GPC4: variants seen among roughly 807,000 people sequenced by gnomAD.
GPC4 encodes glypican-4.
Under a neutral mutation model 35.0 loss-of-function variants are expected in GPC4, and 10 were observed. The observed-to-expected ratio is 0.29, with a 90% CI of 0.18 to 0.48. GPC4 has a LOEUF of 0.48. Among genes scored for constraint, GPC4 ranks in the 20% least tolerant of loss-of-function variants. The pLI, the probability that GPC4 is intolerant of heterozygous loss-of-function variation, is 0.99. For missense variants in GPC4, 322 were observed against 451.3 expected, an observed-to-expected ratio of 0.71 and a Z score of 2.60; for synonymous variants, 167 against 170.2, an observed-to-expected ratio of 0.98 and a Z score of 0.15.
At chrX:133,332,806 A>T (rs754783423) in intron 2 of GPC4, among the ~76,000 whole-genome samples, 1 of 112,538 alleles carries the variant, frequency 8.9e-6, no homozygotes, top group Non-Finnish European at 1.9e-5. Context: ...ACTAGAAATA[A>T]TGCTGTGATG....
At chrX:133,384,176 T>A (rs909685483) in intron 1 of GPC4, among the ~76,000 whole-genome samples, 3 of 111,998 alleles carry the variant, frequency 2.7e-5, no homozygotes, top group African/African-American at 9.7e-5. Context: ...CAATTTTAAC[T>A]CCTTTGTAAA....
At chrX:133,381,934 C>T (rs777615204) in intron 1 of GPC4, among the ~76,000 whole-genome samples, 22 of 111,763 alleles carry the variant, frequency 2.0e-4, no homozygotes, top group African/African-American at 4.2e-4. Flanking sequence ...ACTTTTTACA[C>T]GCCCTTTCAC....
chrX:133,305,732 C>A, intron 6 of GPC4, 40 bp downstream of exon 6: 1 of 1,202,820 alleles, frequency 8.3e-7, no homozygotes. Context: ...GTTTTCAGTT[C>A]TTTGTCATTA....
intron 2 of GPC4, among the ~76,000 whole-genome samples, chrX:133,335,458 TACACACAC>T (rs927774738): frequency 9.1e-6 from 1 of 109,540 alleles, no homozygotes; most frequent in African/African-American, 3.3e-5. Context: ...CACACACACA[TACACACAC>T]ACACACGCAC....
chrX:133,408,713 C>T (rs1337811843), intron 1 of GPC4, among the ~76,000 whole-genome samples: 1 of 110,598 alleles, frequency 9.0e-6, no homozygotes, highest in Non-Finnish European at 1.9e-5. Flanking sequence ...GCCTGGGCAA[C>T]AAGAGCGAAA....
intron 1 of GPC4, among the ~76,000 whole-genome samples, chrX:133,363,133 T>C (rs2068576207): frequency 8.9e-6 from 1 of 112,221 alleles, no homozygotes; most frequent in Non-Finnish European, 1.9e-5. Context: ...GGAATGTTTA[T>C]TTCTGTGTTT....
rs2068273581 is a variant in GPC4, at chrX:133,302,999, G to A, written c.1539C>T (p.Tyr513=). The A allele has an allele frequency of 1.7e-6, 2 of 1,209,509 alleles. No homozygotes were observed. Among genetic ancestry groups the A allele is most frequent in the East Asian group, 3.0e-5 (1 of 33,753 alleles). ...EYQQCPSEFD[Y]NATDHAGKSA... The stretch of plus-strand genomic sequence containing the variant: ...TCTTCCCAGCATGGTCAGTGGCATT[G>A]TAGTCAAACTCTGAAGGGCACTGCT... Residue 513 remains tyrosine (Y), a synonymous_variant, in exon 9 of 9, where the codon TAC becomes TAT. Coordinates refer to ENST00000370828, the MANE Select transcript of GPC4 (RefSeq NM_001448.3).
intron 1 of GPC4, among the ~76,000 whole-genome samples, chrX:133,351,983 C>T (rs771298323): frequency 6.2e-5 from 7 of 112,149 alleles, no homozygotes; most frequent in Non-Finnish European, 1.1e-4. Context: ...GCTTGGTCTC[C>T]GCCCTCTTGA....
Position 133,305,752 on chromosome X carries a change from C to G in GPC4, c.1155+20G>C, listed in dbSNP as rs946005861. The G allele has an allele frequency of 1.7e-6, 2 of 1,206,688 alleles. No homozygotes were observed. The highest frequency in any genetic ancestry group is 2.2e-6 in the Non-Finnish European group (2 of 894,385). On this transcript the variant is annotated intron_variant, in intron 6 of 8. Coordinates refer to ENST00000370828, the MANE Select transcript of GPC4 (RefSeq NM_001448.3). ...CAGTTCTTTGTCATTAAACACGGCC[C>G]TTCCTGCCAAAACGCTCACCAGTCG...
chrX:133,319,465 A>AG (rs1193540414), intron 3 of GPC4, among the ~76,000 whole-genome samples: 5 of 106,126 alleles, frequency 4.7e-5, no homozygotes, highest in Non-Finnish European at 9.7e-5. Context: ...AAAAAAAAAA[A>AG]AAAAAAGAAA....
At position 133,413,637 on chromosome X, in the gene GPC4, C is replaced by G. The variant is rs748082219; in HGVS notation, c.160+1169G>C. Among the ~76,000 whole-genome samples the G allele has an allele frequency of 2.4e-4, 27 of 110,767 alleles. No individual in the cohort carries two copies. In the South Asian group the frequency reaches 5.9e-3, roughly 24 times the overall value. On this transcript the variant is annotated intron_variant, in intron 1 of 8. Transcript: ENST00000370828. Reference sequence around the variant, plus strand: ...GTTCGGAGTGGAGGCTCAGCCCCCCCCCCGGGCTCGAATCTCTCACTCCTC... The same window carrying G: ...GTTCGGAGTGGAGGCTCAGCCCCCCGCCCGGGCTCGAATCTCTCACTCCTC...
chrX:133,407,736 G>A (rs1209963625), intron 1 of GPC4, among the ~76,000 whole-genome samples: 2 of 112,262 alleles, frequency 1.8e-5, no homozygotes, highest in African/African-American at 6.5e-5. Flanking sequence ...GAAACCTAGT[G>A]GACTTCCCTC....
chrX:133,312,039 G>C (rs2068316729), intron 3 of GPC4, among the ~76,000 whole-genome samples: 1 of 111,562 alleles, frequency 9.0e-6, no homozygotes, highest in Admixed American at 9.5e-5. Flanking sequence ...CTTAAACTTA[G>C]GGGGTGTGTG....
At chrX:133,385,621 A>G (rs894706188) in intron 1 of GPC4, among the ~76,000 whole-genome samples, 5 of 111,924 alleles carry the variant, frequency 4.5e-5, no homozygotes, top group Non-Finnish European at 9.4e-5. Context: ...AATAATGAAG[A>G]TAAAAATACT....
intron 1 of GPC4, among the ~76,000 whole-genome samples, chrX:133,398,771 GAA>G (rs902350182): frequency 1.3e-5 from 1 of 79,240 alleles, no homozygotes. Flanking sequence ...CTGTCTCAGA[GAA>G]AAAAAAAAAA....
Position 133,324,170 on chromosome X carries a change from C to G in GPC4, c.686G>C (p.Gly229Ala). 2 of 1,206,724 alleles carry G rather than the reference C, an allele frequency of 1.7e-6. No individual in the cohort carries two copies. Among genetic ancestry groups the G allele is most frequent in the Non-Finnish European group, 2.2e-6 (2 of 893,348 alleles). ...RTFAQGLAVAGDVVSKVSVVN... is the reference protein window; with the variant it reads ...RTFAQGLAVAADVVSKVSVVN... ...CACGGAGACCTTGCTCACGACATCT[C>G]CCGCAACCGCTAAGCCTTGAGCGAA... The change falls in exon 3 of 9, where the codon GGA becomes GCA. Residue 229 changes from glycine (G) to alanine (A), a missense_variant. Gly to Ala is a moderately conservative substitution (Grantham distance 60). Coordinates refer to ENST00000370828, the MANE Select transcript of GPC4 (RefSeq NM_001448.3).
At chrX:133,303,416 G>A in intron 7 of GPC4, 75 bp from the exon 8 acceptor site, 1 of 864,115 alleles carries the variant, frequency 1.2e-6, no homozygotes. Context: ...CCAAAGTGCT[G>A]GGATTACAGG....
chrX:133,413,174 C>T (rs2068820102), intron 1 of GPC4, among the ~76,000 whole-genome samples: 1 of 111,687 alleles, frequency 9.0e-6, no homozygotes, highest in South Asian at 3.8e-4. Context: ...AGAAAGAGGG[C>T]TTTTCAGGGC....
chrX:133,368,941 C>G (rs886626552), intron 1 of GPC4, among the ~76,000 whole-genome samples: 1 of 111,242 alleles, frequency 9.0e-6, no homozygotes. Flanking sequence ...CCACCACGCC[C>G]GACCGAGTAA....
Sources: gnomAD v4.1 joint callset for allele counts (sites outside exome capture counted in the v4.1 genomes callset) on GRCh38, gnomAD v4.1.1 for gene constraint, MANE v1.5 for transcripts, NCBI Gene and HGNC (gene_info 2026-07-23, HGNC 2026-07-21) for gene names.